Variants in PIF1 observed in about 807,000 individuals in gnomAD.
PIF1 encodes ATP-dependent DNA helicase PIF1.
A neutral mutation model predicts 62.3 loss-of-function variants in PIF1; 67 were observed. The observed-to-expected ratio is 1.08, with a 90% confidence interval of 0.88 to 1.32. The LOEUF is 1.32. Among genes scored for constraint, PIF1 ranks in the 40% most tolerant of loss-of-function variants. The pLI is 0.00. For synonymous variants in PIF1, 364 were observed against 379.5 expected (o/e 0.96, Z 0.47); for missense variants, 886 against 866.1 (o/e 1.02, Z -0.29).
In PIF1 at chr15:64,816,288, T is replaced by C. The variant is rs368865568; in HGVS notation, c.*10A>G. On this transcript the variant is annotated 3_prime_UTR_variant, in exon 13 of 13. Coordinates refer to ENST00000559239, the MANE Select transcript of PIF1 (RefSeq NM_001286496.2). ...CAGGCCACCCTTTGTCTTCTCTTTG[T>C]GGGTGAGGCTCAGAGGATTGGGTCC... is the stretch of plus-strand genomic sequence containing the variant. The C allele has an allele frequency of 1.2e-6, 2 of 1,613,958 alleles. No homozygotes were observed. The highest frequency in any genetic ancestry group is 1.7e-6 in the Non-Finnish European group (2 of 1,180,002).
chr15:64,822,170 C>A, intron 4 of PIF1, 96 bp downstream of exon 4: 1 of 1,503,064 alleles, frequency 6.7e-7, no homozygotes, highest in East Asian at 2.3e-5. Flanking sequence ...CCACGGCGCC[C>A]AGCCCCCAAA....
chr15:64,819,943 G>T lies in PIF1; in HGVS notation c.1237C>A (p.His413Asn), dbSNP rs764152598. ...VTRQLQATAS[H>N]KVGRDGIVAT... ...ACAATCCCATCTCGCCCCACCTTGT[G>T]GGAAGCTGTGGCCTGGAGCTGGCGG... Residue 413 changes from histidine (H) to asparagine (N), a missense_variant, in exon 8 of 13, where the codon CAC becomes AAC. His to Asn is a moderately conservative substitution (Grantham distance 68, BLOSUM62 1). Coordinates refer to ENST00000559239, the MANE Select transcript of PIF1 (RefSeq NM_001286496.2). 1.9e-6 allele frequency: 3 copies of T among 1,614,234 alleles called. No individual in the cohort carries two copies. In the South Asian group the frequency reaches 3.3e-5, roughly 18 times the overall value.
Position 64,819,834 on chromosome 15 carries a change from G to A in PIF1, c.1333+13C>T, listed in dbSNP as rs773937380. On this transcript the variant is annotated intron_variant, in intron 8 of 12. Coordinates refer to ENST00000559239, the MANE Select transcript of PIF1 (RefSeq NM_001286496.2). ...TCCCAGCTGGTCTTGCCCAGCCCAG[G>A]CTCCCTGCTCACCTGGCAGCTCCTG... is the stretch of plus-strand genomic sequence containing the variant. The A allele has an allele frequency of 6.2e-7, 1 of 1,611,806 alleles. No individual in the cohort carries two copies. The highest frequency in any genetic ancestry group is 1.7e-4 in the Middle Eastern group (1 of 6,056).
intron 7 of PIF1, 91 bp from the exon 8 acceptor site, chr15:64,820,077 G>T: frequency 1.3e-6 from 2 of 1,497,816 alleles, no homozygotes; most frequent in Non-Finnish European, 1.8e-6. Context: ...CAGGCCATGG[G>T]TCAGGCCTTG....
In PIF1 at chr15:64,818,277, C is replaced by A; in HGVS notation, c.1508G>T (p.Gly503Val). 3.7e-6 allele frequency: 6 copies of A among 1,614,168 alleles called. No homozygotes were observed. Among genetic ancestry groups the A allele is most frequent in the Non-Finnish European group, 5.1e-6 (6 of 1,180,020 alleles). ...CTTACCTCTCCCTTCTGCCTCGAAC[C>A]CAACTACCACCCCTCGGGCACCATT... ...LVNGARGVVVGFEAEGRGLPQ... is the reference protein window; with the variant it reads ...LVNGARGVVVVFEAEGRGLPQ... The change falls in exon 10 of 13, where the codon GGG becomes GTG. Residue 503 changes from glycine to valine, a missense_variant. Physicochemically the swap from Gly to Val is moderately radical, Grantham distance 109 (BLOSUM62 -3). Transcript: ENST00000559239.
chr15:64,821,660 C>T (rs186341732), intron 4 of PIF1, 140 bp from the exon 5 acceptor site: 12 of 972,544 alleles, frequency 1.2e-5, no homozygotes, highest in Non-Finnish European at 1.7e-5. Flanking sequence ...TAACCTGGGC[C>T]TCATGGGCTC....
rs760497632 is a variant in PIF1, at chr15:64,816,271, C to T, written c.*27G>A. The T allele has an allele frequency of 2.5e-6, 4 of 1,613,574 alleles. No homozygotes were observed. ...GGAGGACGGGGAGGCCACAGGCCACCCTTTGTCTTCTCTTTGTGGGTGAGG... is the reference window on the plus strand; with the variant it reads ...GGAGGACGGGGAGGCCACAGGCCACTCTTTGTCTTCTCTTTGTGGGTGAGG... On this transcript the variant is annotated 3_prime_UTR_variant, in exon 13 of 13. Coordinates refer to ENST00000559239, the MANE Select transcript of PIF1 (RefSeq NM_001286496.2).
At chr15:64,823,541 G>C (rs912973411) in intron 2 of PIF1, 2 of 364,980 alleles carry the variant, frequency 5.5e-6, no homozygotes, top group African/African-American at 4.2e-5. Flanking sequence ...CACCATGCCC[G>C]GCCTCTGCTT....
chr15:64,817,846 A>G, intron 11 of PIF1, 100 bp downstream of exon 11: 1 of 1,389,876 alleles, frequency 7.2e-7, no homozygotes, highest in Non-Finnish European at 9.6e-7. Context: ...TGGGCGACAG[A>G]GCAAGACTCT....
chr15:64,818,220 C>T, intron 10 of PIF1, 37 bp downstream of exon 10: 6 of 1,612,706 alleles, frequency 3.7e-6, no homozygotes, highest in Non-Finnish European at 5.1e-6. Flanking sequence ...TGCTGCAAAG[C>T]CCCGTAGCAG....
At chr15:64,822,992 C>T (rs1024204882) in intron 2 of PIF1, among the ~76,000 whole-genome samples, 1 of 152,130 alleles carries the variant, frequency 6.6e-6, no homozygotes, top group Admixed American at 6.5e-5. Flanking sequence ...CTAGCCAGGG[C>T]CCCTTCTTAT....
In PIF1 at chr15:64,821,093, TG is replaced by T; in HGVS notation, c.1087-6del. On this transcript the variant is annotated splice_polypyrimidine_tract_variant and splice_region_variant and intron_variant, in intron 6 of 12. Transcript: ENST00000559239. ...ACACCTCTTCCAGCTCTTGGACTGG[TG>T]GGGGCAGGGTGGGGGTGGGTCAAGG... 1.3e-6 allele frequency: 2 copies of T among 1,500,574 alleles called. No homozygotes were observed. Among genetic ancestry groups the T allele is most frequent in the Admixed American group, 1.7e-5 (1 of 59,280 alleles). The allele number at this position is 1,500,574 out of a possible 1,614,324, so 93.0% of individuals were successfully genotyped here.
At chr15:64,826,988 G>A (rs1158214532), upstream of PIF1, among the ~76,000 whole-genome samples, 1 of 151,882 alleles carries the variant, frequency 6.6e-6, no homozygotes, top group East Asian at 1.9e-4. Flanking sequence ...TTACCTGCTC[G>A]CTTAATCACT....
At chr15:64,822,063 A>T in intron 4 of PIF1, 1 of 623,436 alleles carries the variant, frequency 1.6e-6, no homozygotes, top group Non-Finnish European at 2.7e-6. Context: ...TTTTGTGGAG[A>T]CAGGGTTTAC....
chr15:64,824,282 C>A lies in PIF1; in HGVS notation c.54G>T (p.Arg18=). 1 of 1,271,774 alleles carries A rather than the reference C, an allele frequency of 7.9e-7. No homozygotes were observed. 78.8% of individuals were successfully genotyped at this position (1,271,774 alleles called of 1,614,324 possible). The change falls in exon 2 of 13, where the codon CGG becomes CGT. Residue 18 remains arginine (R), a synonymous_variant. Transcript: ENST00000559239. ...TCAGCTCCTCCACAGCCACGCGGCA[C>A]CGCAGCTCCGAGTCCTCATATTCCC... ...AAGEYEDSEL[R]CRVAVEELSP...
intron 4 of PIF1, chr15:64,821,942 G>A (rs1319150848): frequency 1.8e-5 from 6 of 328,118 alleles, no homozygotes; most frequent in African/African-American, 4.4e-5. Flanking sequence ...GGGTTTTACC[G>A]TGTTAGCCAG....
In PIF1 at chr15:64,824,086, C is replaced by A. The variant is rs1463808983; in HGVS notation, c.250G>T (p.Gly84Trp). The A allele has an allele frequency of 3.2e-6, 4 of 1,267,132 alleles. No homozygotes were observed. Among genetic ancestry groups the A allele is most frequent in the Non-Finnish European group, 3.0e-6 (3 of 1,007,762 alleles). 78.5% of individuals were successfully genotyped at this position (1,267,132 alleles called of 1,614,324 possible). The change falls in exon 2 of 13, where the codon GGG becomes TGG. Residue 84 changes from glycine (G) to tryptophan (W), a missense_variant. By Grantham distance (184) the Gly-to-Trp change is radical. Transcript: ENST00000559239. ...GCGGGGAGCCGCAGGGTGCTGCGCC[C>A]GGCCTCGGCGAAACGCGTGAAGAGG... ...ARLFTRFAEA[G>W]RSTLRLPAHD...
upstream of PIF1, among the ~76,000 whole-genome samples, chr15:64,826,519 C>G (rs1330743007): frequency 6.7e-6 from 1 of 149,494 alleles, no homozygotes; most frequent in African/African-American, 2.5e-5. Context: ...CAACCTCTGC[C>G]GTGGCGCGAT....
At position 64,818,017 on chromosome 15, in the gene PIF1, C is replaced by T. The variant is rs141124917; in HGVS notation, c.1603G>A (p.Gly535Arg). ...TGCTGCCGACTGAGGAGCTGGCCCC[C>T]GGTGGCCTGCACCGTCCAGCGGTCA... ...HADRWTVQAT[G>R]GQLLSRQQLP... The change falls in exon 11 of 13, where the codon GGG (glycine) becomes AGG (arginine). Residue 535 changes from glycine (G) to arginine (R), a missense_variant. Transcript: ENST00000559239. 1.8e-4 allele frequency: 291 copies of T among 1,613,436 alleles called. 3 individuals are homozygous for T. In the African/African-American group the frequency reaches 3.0e-3, roughly 17 times the overall value.
Sources: allele counts gnomAD v4.1 joint callset (sites outside exome capture counted in the v4.1 genomes callset), GRCh38; gene constraint gnomAD v4.1.1; transcripts MANE v1.5; gene names NCBI Gene and HGNC (gene_info 2026-07-23, HGNC 2026-07-21).